The following VRK3 variants were observed in gnomAD, a reference collection of about 807,000 sequenced individuals.
VRK3 encodes the protein serine/threonine-protein kinase VRK3.
VRK3 carries 50 observed loss-of-function variants against 60.4 expected under a neutral mutation model. That is an observed-to-expected ratio of 0.83 (90% CI 0.66 to 1.05). The LOEUF is 1.05. VRK3 is among the 50% of genes least tolerant of loss of function. The probability of loss-of-function intolerance (pLI) is 0.00; values close to 1 mark genes in which losing one functional copy is unlikely to be tolerated. For missense variants in VRK3, 549 were observed against 585.3 expected (o/e 0.94, Z 0.64); for synonymous variants, 246 against 227.8 (o/e 1.08, Z -0.72).
At chr19:50,009,916 C>A (rs2076965024) in intron 3 of VRK3, among the ~76,000 whole-genome samples, 2 of 152,180 alleles carry the variant, frequency 1.3e-5, no homozygotes, top group South Asian at 4.1e-4. Flanking sequence ...GCTGGGATTA[C>A]AGGCATGAGC....
At position 49,997,512 on chromosome 19, in the gene VRK3, G is replaced by C; in HGVS notation, c.671C>G (p.Pro224Arg). 1 of 1,613,958 alleles carries C rather than the reference G, an allele frequency of 6.2e-7. No homozygotes were observed. Among genetic ancestry groups the C allele is most frequent in the Non-Finnish European group, 8.5e-7 (1 of 1,179,926 alleles). The change falls in exon 7 of 15, where the codon CCT (proline) becomes CGT (arginine). Residue 224 changes from proline to arginine, a missense_variant. Coordinates refer to ENST00000316763, the MANE Select transcript of VRK3 (RefSeq NM_016440.4). ...EQNFFQRAAK[P>R]LQVNKWKKLY... Reference sequence around the variant, plus strand: ...AGTTCCCTGTCAGGTACCTTGCAGAGGCTTGGCGGCCCGCTGGAAGAAGTT... The same window carrying C: ...AGTTCCCTGTCAGGTACCTTGCAGACGCTTGGCGGCCCGCTGGAAGAAGTT...
At chr19:50,005,595 A>G (rs917206677) in intron 5 of VRK3, among the ~76,000 whole-genome samples, 12 of 150,026 alleles carry the variant, frequency 8.0e-5, no homozygotes, top group Non-Finnish European at 1.5e-4. Flanking sequence ...AGCGTTACTC[A>G]TAACAGCCCA....
chr19:50,007,534 G>A (rs375137165), intron 5 of VRK3, 35 bp downstream of exon 5: 102 of 1,608,884 alleles, frequency 6.3e-5, no homozygotes, highest in East Asian at 6.0e-4. Flanking sequence ...GTGCTGAGAC[G>A]ACCCAGTCCC....
rs763170632 is a variant in VRK3, at chr19:49,989,741, G to A, written c.994C>T (p.Arg332Cys). The change falls in exon 11 of 15, where the codon CGC (arginine) becomes TGC (cysteine). Residue 332 changes from arginine to cysteine, a missense_variant. By Grantham distance (180) the Arg-to-Cys change is radical (BLOSUM62 -3). Coordinates refer to ENST00000316763, the MANE Select transcript of VRK3 (RefSeq NM_016440.4). ...VTLAGYGFAFRYCPSGKHVAY... is the reference protein window; with the variant it reads ...VTLAGYGFAFCYCPSGKHVAY... ...ACGTGTTTGCCACTTGGGCAATAGC[G>A]GAAGGCGAAGCCATAGCCTGCCAAA... 2.2e-5 allele frequency: 36 copies of A among 1,612,528 alleles called. 1 individual carries two copies. Among genetic ancestry groups the A allele is most frequent in the Admixed American group, 1.3e-4 (8 of 59,968 alleles).
intron 3 of VRK3, among the ~76,000 whole-genome samples, chr19:50,013,122 G>A (rs772664202): frequency 7.2e-5 from 11 of 152,110 alleles, no homozygotes; most frequent in East Asian, 1.9e-4. Flanking sequence ...AGCCAAGATC[G>A]CGTCACTGCA....
At chr19:50,023,484 G>C (rs2077203817) in intron 1 of VRK3, among the ~76,000 whole-genome samples, 1 of 152,092 alleles carries the variant, frequency 6.6e-6, no homozygotes, top group African/African-American at 2.4e-5. Flanking sequence ...CCTGGCCCTG[G>C]ACACCATTTT....
chr19:49,984,126 TA>T (rs2076472186), intron 12 of VRK3, among the ~76,000 whole-genome samples: 1 of 152,140 alleles, frequency 6.6e-6, no homozygotes, highest in Non-Finnish European at 1.5e-5. Flanking sequence ...AAAAGCATGA[TA>T]AGACCGCTCT....
At position 50,003,762 on chromosome 19, in the gene VRK3, G is replaced by A. The variant is rs186431697; in HGVS notation, c.548-2908C>T. ...GTGCAAACTGGCAGAAGAAAAGGGC[G>A]ATTTGCTCTGGGGCGATGTCACCCA... is the stretch of plus-strand genomic sequence containing the variant. On this transcript the variant is annotated intron_variant, in intron 5 of 14. Transcript: ENST00000316763. Among the ~76,000 whole-genome samples the A allele has an allele frequency of 2.2e-4, 34 of 152,374 alleles. No individual in the cohort carries two copies. In the South Asian group the frequency reaches 2.3e-3, roughly 10 times the overall value.
intron 3 of VRK3, among the ~76,000 whole-genome samples, chr19:50,013,699 A>G (rs1257531359): frequency 6.6e-6 from 1 of 152,218 alleles, no homozygotes; most frequent in Non-Finnish European, 1.5e-5. Context: ...CTCAGCACCC[A>G]ATACCATGCC....
At chr19:50,006,172 T>TG (rs2076887385) in intron 5 of VRK3, among the ~76,000 whole-genome samples, 1 of 151,194 alleles carries the variant, frequency 6.6e-6, no homozygotes, top group African/African-American at 2.4e-5. Flanking sequence ...TAGCCCGGTG[T>TG]GGTGGCATGC....
At chr19:50,011,464 CTG>C (rs2076992662) in intron 3 of VRK3, among the ~76,000 whole-genome samples, 1 of 152,232 alleles carries the variant, frequency 6.6e-6, no homozygotes, top group African/African-American at 2.4e-5. Flanking sequence ...GGCCTCCTAA[CTG>C]GTTTCCATGC....
At position 50,009,429 on chromosome 19, in the gene VRK3, C is replaced by CCT. The variant is rs757952211; in HGVS notation, c.140-46_140-45dup. 16 of 1,605,482 alleles carry CCT rather than the reference C, an allele frequency of 1.0e-5. No homozygotes were observed. In the South Asian group the frequency reaches 1.2e-4, roughly 12 times the overall value. Reference sequence around the variant, plus strand: ...AATGCAGACTGGAGTTACAAAGGCCCCTCTGCAGGCACCATTGGACTGGGA... The same window carrying CCT: ...AATGCAGACTGGAGTTACAAAGGCCCCTCTCTGCAGGCACCATTGGACTGGGA... On this transcript the variant is annotated intron_variant, in intron 3 of 14. Coordinates refer to ENST00000316763, the MANE Select transcript of VRK3 (RefSeq NM_016440.4).
intron 2 of VRK3, among the ~76,000 whole-genome samples, chr19:50,020,107 C>T (rs949238563): frequency 1.3e-5 from 2 of 151,538 alleles, no homozygotes; most frequent in African/African-American, 4.9e-5. Flanking sequence ...GTGGTGCAAT[C>T]TCAGCTCACT....
intron 3 of VRK3, among the ~76,000 whole-genome samples, chr19:50,014,443 C>T (rs753053026): frequency 6.6e-6 from 1 of 152,022 alleles, no homozygotes; most frequent in Non-Finnish European, 1.5e-5. Context: ...CCTGTAATCC[C>T]AGCTATTTGG....
rs771128584 is a variant in VRK3, at chr19:50,009,233, T to C, written c.289+3A>G. On this transcript the variant is annotated splice_donor_region_variant and intron_variant, in intron 4 of 14. Coordinates refer to ENST00000316763, the MANE Select transcript of VRK3 (RefSeq NM_016440.4). ...GTCAGGCCAGATAGACCTTAACTCT[T>C]ACCTTTGGATCTCTCAGAGGAACTC... 2 of 1,613,752 alleles carry C rather than the reference T, an allele frequency of 1.2e-6. No individual in the cohort carries two copies. The highest frequency in any genetic ancestry group is 1.7e-6 in the Non-Finnish European group (2 of 1,179,822).
Position 50,016,087 on chromosome 19 carries a change from A to G in VRK3, c.76T>C (p.Leu26=). 2 of 1,614,240 alleles carry G rather than the reference A, an allele frequency of 1.2e-6. No individual in the cohort carries two copies. The highest frequency in any genetic ancestry group is 3.3e-5 in the Admixed American group (2 of 60,032). Residue 26 remains leucine, a synonymous_variant, in exon 3 of 15, where the codon TTG becomes CTG. Transcript: ENST00000316763. ...GACCCTACATGCTCCTCTACAGGCA[A>G]AGAATTTCCACAGTAGGGGCAGAAT... ...FKFCPYCGNS[L]PVEEHVGSQT...
intron 2 of VRK3, among the ~76,000 whole-genome samples, chr19:50,018,540 G>T (rs1416193978): frequency 8.5e-5 from 13 of 152,174 alleles, no homozygotes. Flanking sequence ...GCATAAATCT[G>T]CCCTTCTGTT....
chr19:49,991,813 T>A (rs1600671402), intron 10 of VRK3, among the ~76,000 whole-genome samples: 1 of 152,204 alleles, frequency 6.6e-6, no homozygotes, highest in African/African-American at 2.4e-5. Context: ...AGCTCCTGGA[T>A]CCTGCCGTGC....
At chr19:50,009,201 C>T in intron 4 of VRK3, 35 bp downstream of exon 4, 1 of 1,604,342 alleles carries the variant, frequency 6.2e-7, no homozygotes, top group South Asian at 1.1e-5. Flanking sequence ...CTTTGCTCCA[C>T]TTAAGAGTCA....
Sources: allele counts gnomAD v4.1 joint callset (sites outside exome capture counted in the v4.1 genomes callset), GRCh38; gene constraint gnomAD v4.1.1; transcripts MANE v1.5; gene names NCBI Gene and HGNC (gene_info 2026-07-23, HGNC 2026-07-21).